ZNF710: variants seen among roughly 807,000 people sequenced by gnomAD.
The protein encoded by ZNF710 is zinc finger protein 710.
A neutral mutation model predicts 50.6 loss-of-function variants in ZNF710; 13 were observed. The observed-to-expected ratio is 0.26, with a 90% CI of 0.17 to 0.41. The LOEUF is 0.41. Among genes scored for constraint, ZNF710 ranks in the 10% least tolerant of loss-of-function variants. ZNF710 has a pLI of 1.00. For synonymous variants in ZNF710, 383 were observed against 397.0 expected, an observed-to-expected ratio of 0.96 and a Z score of 0.42; for missense variants, 721 against 936.6, an observed-to-expected ratio of 0.77 and a Z score of 3.01.
rs111681782 is a variant in ZNF710, at chr15:90,034,362, T to C, written c.-29+32748T>C. Among the ~76,000 whole-genome samples, 2 of 152,204 alleles carry C rather than the reference T, an allele frequency of 1.3e-5. No individual in the cohort carries two copies. The highest frequency in any genetic ancestry group is 2.4e-5 in the African/African-American group (1 of 41,532). On this transcript the variant is annotated intron_variant, in intron 1 of 4. Coordinates refer to ENST00000268154, the MANE Select transcript of ZNF710 (RefSeq NM_198526.4). The surrounding 1 kb of genome is among the most constrained non-coding windows in gnomAD (Gnocchi z 4.0). ...TCTTTGTGCTGTTTTGTCTATGTTA[T>C]TTGAAAAAGTGGATTGCATTGTGGG...
chr15:90,045,577 A>G (rs1015514584), intron 1 of ZNF710, among the ~76,000 whole-genome samples: 3 of 151,916 alleles, frequency 2.0e-5, no homozygotes, highest in Admixed American at 1.3e-4. Context: ...GTGGCCTGTG[A>G]GCTCAGAGAG....
chr15:90,075,015 G>A (rs1213163819), intron 4 of ZNF710: 3 of 163,984 alleles, frequency 1.8e-5, no homozygotes, highest in Admixed American at 5.9e-5. Context: ...TCAGCAGTTC[G>A]TAGAAGTTTC....
Position 90,062,838 on chromosome 15 carries a change from G to A in ZNF710, c.-28-4272G>A, listed in dbSNP as rs11629526. On this transcript the variant is annotated intron_variant, in intron 1 of 4. Coordinates refer to ENST00000268154, the MANE Select transcript of ZNF710 (RefSeq NM_198526.4). The surrounding 1 kb of genome is among the most constrained non-coding windows in gnomAD (Gnocchi z 5.6). Reference sequence around the variant, plus strand: ...GAGCCCCTTCTGCATACACACACGCGCGCACGCGCACACACACACAGCCTG... The same window carrying A: ...GAGCCCCTTCTGCATACACACACGCACGCACGCGCACACACACACAGCCTG... Among the ~76,000 whole-genome samples the A allele has an allele frequency of 1, 152,193 of 152,282 alleles. 76,052 individuals are homozygous for A. The highest frequency in any genetic ancestry group is 1 in the Middle Eastern group (294 of 294).
intron 1 of ZNF710, among the ~76,000 whole-genome samples, chr15:90,044,363 G>A (rs567076960): frequency 1.3e-5 from 2 of 152,342 alleles, no homozygotes; most frequent in East Asian, 3.9e-4. Flanking sequence ...GCGGAGCGTG[G>A]TGTCGCCATT....
At position 90,062,521 on chromosome 15, in the gene ZNF710, C is replaced by A. The variant is rs1426595713; in HGVS notation, c.-28-4589C>A. 6.6e-6 allele frequency among the ~76,000 whole-genome samples: 1 copy of A among 152,096 alleles called. No individual in the cohort carries two copies. Among genetic ancestry groups the A allele is most frequent in the African/African-American group, 2.4e-5 (1 of 41,428 alleles). On this transcript the variant is annotated intron_variant, in intron 1 of 4. Transcript: ENST00000268154. This position sits in a 1 kb window ranked among gnomAD's most constrained non-coding sequence, Gnocchi z 5.6. ...AGAAGGGAGGGGCCCCAGTGGGGCC[C>A]CAGGCGGATGACAGAGGGGCCTTGG...
At chr15:90,066,777 C>T (rs1691981386) in intron 1 of ZNF710, among the ~76,000 whole-genome samples, 1 of 152,130 alleles carries the variant, frequency 6.6e-6, no homozygotes, top group African/African-American at 2.4e-5. Flanking sequence ...CATGCCCGGT[C>T]TTTTTAAGGA....
chr15:90,024,284 A>G (rs1463670727), intron 1 of ZNF710, among the ~76,000 whole-genome samples: 2 of 152,144 alleles, frequency 1.3e-5, no homozygotes, highest in African/African-American at 4.8e-5. Flanking sequence ...CCCCCCAGAA[A>G]AGGGCACCCC....
At chr15:90,017,125 C>A (rs1898478283) in intron 1 of ZNF710, among the ~76,000 whole-genome samples, 2 of 152,124 alleles carry the variant, frequency 1.3e-5, no homozygotes, top group Non-Finnish European at 2.9e-5. Flanking sequence ...TGGCAGGGAA[C>A]TTTTTAGGGG....
intron 1 of ZNF710, among the ~76,000 whole-genome samples, chr15:90,026,194 G>A (rs896830644): frequency 6.9e-6 from 1 of 143,904 alleles, no homozygotes; most frequent in African/African-American, 2.6e-5. Context: ...CAGTAAAGTA[G>A]CCTAACCCCT....
chr15:90,016,080 C>T (rs951239770), intron 1 of ZNF710, among the ~76,000 whole-genome samples: 7 of 152,200 alleles, frequency 4.6e-5, no homozygotes, highest in East Asian at 3.9e-4. Flanking sequence ...TTCCCACAGT[C>T]GGGGCTGACT....
chr15:90,008,256 A>G (rs1898187417), intron 1 of ZNF710, among the ~76,000 whole-genome samples: 1 of 151,636 alleles, frequency 6.6e-6, no homozygotes, highest in Admixed American at 6.6e-5. Flanking sequence ...GCCTACCCCA[A>G]GTACAGAGGC....
rs546686951 is a variant in ZNF710 at position 90,060,013 on chromosome 15, C to T, written c.-28-7097C>T. 1.1e-4 allele frequency among the ~76,000 whole-genome samples: 17 copies of T among 152,290 alleles called. No homozygotes were observed. In the East Asian group the frequency reaches 3.1e-3, roughly 28 times the overall value. ...ATCCTGGAGGGCTTGAATGCCAGAC[C>T]CAGGGTCAGGAGCCCCCTCCCCGCT... On this transcript the variant is annotated intron_variant, in intron 1 of 4. Coordinates refer to ENST00000268154, the MANE Select transcript of ZNF710 (RefSeq NM_198526.4).
At chr15:90,023,540 C>G (rs772718655) in intron 1 of ZNF710, among the ~76,000 whole-genome samples, 4 of 152,188 alleles carry the variant, frequency 2.6e-5, no homozygotes, top group African/African-American at 4.8e-5. Flanking sequence ...GCAGGTGAAC[C>G]AGGCATGGTG....
chr15:90,042,241 T>A (rs1284567018), intron 1 of ZNF710, among the ~76,000 whole-genome samples: 1 of 151,868 alleles, frequency 6.6e-6, no homozygotes, highest in Admixed American at 6.6e-5. Flanking sequence ...CTCTCCAGCC[T>A]CCTTGTTGGG....
At chr15:90,078,384 G>A (rs1022345600) in intron 4 of ZNF710, among the ~76,000 whole-genome samples, 1 of 152,176 alleles carries the variant, frequency 6.6e-6, no homozygotes, top group Non-Finnish European at 1.5e-5. Flanking sequence ...GTCAGGGTGT[G>A]TGCTTCCTTG....
chr15:90,036,749 A>AACC (rs1037806608), intron 1 of ZNF710, among the ~76,000 whole-genome samples: 4 of 152,106 alleles, frequency 2.6e-5, no homozygotes, highest in African/African-American at 9.7e-5. Flanking sequence ...TTCACACAGG[A>AACC]ACCAGAAGGG....
chr15:90,010,405 C>T (rs1377710317), intron 1 of ZNF710, among the ~76,000 whole-genome samples: 1 of 152,210 alleles, frequency 6.6e-6, no homozygotes, highest in Admixed American at 6.5e-5. Flanking sequence ...CCTCCCACCT[C>T]CGCCTCCCAA....
intron 2 of ZNF710, among the ~76,000 whole-genome samples, chr15:90,070,271 G>C (rs1054910112): frequency 6.6e-6 from 1 of 151,608 alleles, no homozygotes; most frequent in Non-Finnish European, 1.5e-5. Context: ...GAGGTGGGAA[G>C]TTTGCTTGAA....
intron 1 of ZNF710, chr15:90,045,471 G>C: frequency 1.1e-6 from 1 of 896,044 alleles, no homozygotes; most frequent in Non-Finnish European, 1.3e-6. Flanking sequence ...GAGCGCAGAA[G>C]CCATGAGAGA....
Sources: allele counts gnomAD v4.1 joint callset (sites outside exome capture counted in the v4.1 genomes callset), GRCh38; gene constraint gnomAD v4.1.1; non-coding constraint Gnocchi (gnomAD v3.1); transcripts MANE v1.5; gene names NCBI Gene and HGNC (gene_info 2026-07-23, HGNC 2026-07-21).